Variants in GNG7 observed in about 807,000 individuals in gnomAD.
GNG7 encodes G protein subunit gamma 7, also known as guanine nucleotide-binding protein G(I)/G(S)/G(O) subunit gamma-7.
GNG7 carries 1 observed loss-of-function variant against 4.0 expected under a neutral mutation model. The ratio of observed to expected loss-of-function variants is 0.25; its 90% CI spans 0.09 to 1.18. The LOEUF (loss-of-function observed/expected upper bound fraction) is 1.18, where lower values mean the gene tolerates loss of function less well. GNG7 is among the 50% of genes most tolerant of loss of function. The pLI is 0.50. For synonymous variants in GNG7, 34 were observed against 36.9 expected (o/e 0.92, Z 0.29); for missense variants, 86 against 91.9 (o/e 0.94, Z 0.26).
chr19:2,553,178 G>A (rs923313611), intron 3 of GNG7, among the ~76,000 whole-genome samples: 2 of 147,716 alleles, frequency 1.4e-5, no homozygotes, highest in African/African-American at 5.0e-5. Context: ...ACGCAGAAAC[G>A]AAAGGAGGAC....
chr19:2,665,644 G>A (rs1053881809), intron 1 of GNG7, among the ~76,000 whole-genome samples: 9 of 152,182 alleles, frequency 5.9e-5, no homozygotes, highest in African/African-American at 2.2e-4. Flanking sequence ...ACGACTCGCT[G>A]TCTGGCTGGG....
chr19:2,596,672 C>CG (rs201170545), intron 2 of GNG7, among the ~76,000 whole-genome samples: 1 of 146,108 alleles, frequency 6.8e-6, no homozygotes, highest in Non-Finnish European at 1.5e-5. Flanking sequence ...CTGTCCCCCC[C>CG]CCAAAAAAAA....
At chr19:2,604,550 A>G (rs896252147) in intron 2 of GNG7, among the ~76,000 whole-genome samples, 10 of 142,036 alleles carry the variant, frequency 7.0e-5, no homozygotes, top group South Asian at 2.4e-4. Flanking sequence ...GGAGGGAAGG[A>G]AGGAAGGAAG....
At chr19:2,622,533 G>A (rs1237047103) in intron 2 of GNG7, among the ~76,000 whole-genome samples, 1 of 152,136 alleles carries the variant, frequency 6.6e-6, no homozygotes, top group African/African-American at 2.4e-5. Context: ...TGCGAGCAAC[G>A]CGGCAGAGAG....
intron 2 of GNG7, among the ~76,000 whole-genome samples, chr19:2,555,860 C>G (rs1208810079): frequency 6.6e-6 from 1 of 152,150 alleles, no homozygotes; most frequent in Admixed American, 6.5e-5. Flanking sequence ...GGACCCTGCA[C>G]AGGGCCAGGC....
Position 2,611,926 on chromosome 19 carries a change from T to C in GNG7, c.-78+34298A>G, listed in dbSNP as rs1175488131. ...GTCTCGCTCTGTCACCAGGCTGAAG[T>C]GCAGTAGTGTGATCTCAGCTCACTG... On this transcript the variant is annotated intron_variant, in intron 2 of 4. Transcript: ENST00000382159. This position sits in a 1 kb window ranked among gnomAD's most constrained non-coding sequence, Gnocchi z 6.0. The C allele has an allele frequency of 3.3e-5, 5 of 151,952 alleles. No individual in the cohort carries two copies. 9.4% of individuals were successfully genotyped at this position (151,952 alleles called of 1,614,324 possible).
At chr19:2,595,990 C>T (rs1371683510) in intron 2 of GNG7, among the ~76,000 whole-genome samples, 1 of 152,084 alleles carries the variant, frequency 6.6e-6, no homozygotes, top group East Asian at 1.9e-4. Context: ...CGACTCTACG[C>T]TGCATGCTTG....
intron 1 of GNG7, among the ~76,000 whole-genome samples, chr19:2,688,980 G>T (rs1413485969): frequency 6.6e-6 from 1 of 151,564 alleles, no homozygotes; most frequent in Non-Finnish European, 1.5e-5. Context: ...TGGGAGGATC[G>T]CTTGAGCCCA....
chr19:2,553,858 T>C (rs1440376447), intron 3 of GNG7, among the ~76,000 whole-genome samples: 1 of 138,502 alleles, frequency 7.2e-6, no homozygotes, highest in Non-Finnish European at 1.6e-5. Flanking sequence ...CATGTACATA[T>C]TATATGTAAC....
At chr19:2,549,787 G>T (rs900967675) in intron 3 of GNG7, among the ~76,000 whole-genome samples, 1 of 152,166 alleles carries the variant, frequency 6.6e-6, no homozygotes, top group African/African-American at 2.4e-5. Context: ...CCGGGGGTGA[G>T]GGCGGGGGTG....
chr19:2,526,990 C>T (rs1016344869), intron 3 of GNG7, among the ~76,000 whole-genome samples: 2 of 152,046 alleles, frequency 1.3e-5, no homozygotes, highest in African/African-American at 2.4e-5. Context: ...GGACTACAGG[C>T]GCGCGCCACC....
intron 1 of GNG7, among the ~76,000 whole-genome samples, chr19:2,664,440 C>G (rs749803839): frequency 2.6e-5 from 4 of 152,140 alleles, no homozygotes; most frequent in Non-Finnish European, 5.9e-5. Flanking sequence ...TTCAGAGCCA[C>G]GAGACTGATG....
intron 2 of GNG7, among the ~76,000 whole-genome samples, chr19:2,589,371 CTTTT>C (rs33940288): frequency 0.05 from 5,042 of 100,532 alleles, 369 homozygotes; most frequent in African/African-American, 0.18. Context: ...TACAGGTGCA[CTTTT>C]TTTTTTTTTT....
In GNG7 at chr19:2,557,302, C is replaced by T. The variant is rs1979591077; in HGVS notation, c.-77-2114G>A. ...AGACACGTGCACACACAGAGGTGCA[C>T]ATACACGCACAGACACACATGTGCA... On this transcript the variant is annotated intron_variant, in intron 2 of 4. Transcript: ENST00000382159. The surrounding 1 kb of genome is among the most constrained non-coding windows in gnomAD (Gnocchi z 5.1). 1.4e-5 allele frequency among the ~76,000 whole-genome samples: 2 copies of T among 139,436 alleles called. No homozygotes were observed. The highest frequency in any genetic ancestry group is 1.4e-4 in the Admixed American group (2 of 13,856). The allele number at this position is 139,436 out of a possible 152,430, so 91.5% of individuals were successfully genotyped here. A position where few individuals can be genotyped will look rare whatever the true frequency, so the allele number is the denominator to read the frequency against.
chr19:2,624,962 T>C (rs1178501476), intron 2 of GNG7, among the ~76,000 whole-genome samples: 1 of 152,190 alleles, frequency 6.6e-6, no homozygotes, highest in East Asian at 1.9e-4. Flanking sequence ...TCACCTTTCC[T>C]TGTGGGTGCA....
intron 3 of GNG7, among the ~76,000 whole-genome samples, chr19:2,553,662 CACGTT>C: frequency 1.5e-5 from 2 of 135,488 alleles, no homozygotes; most frequent in Admixed American, 7.3e-5. Flanking sequence ...CATACATGCA[CACGTT>C]ACATGTAATA....
chr19:2,661,297 AGAAAG>A (rs1983157331), intron 1 of GNG7, among the ~76,000 whole-genome samples: 1 of 41,668 alleles, frequency 2.4e-5, no homozygotes, highest in African/African-American at 1.1e-4. Context: ...AAAGAAAGAA[AGAAAG>A]AGAAAGAAAG....
chr19:2,565,599 G>A (rs1020308345), intron 2 of GNG7, among the ~76,000 whole-genome samples: 1 of 152,110 alleles, frequency 6.6e-6, no homozygotes, highest in Non-Finnish European at 1.5e-5. Context: ...CATGAGAACT[G>A]CAGAAATTTA....
intron 1 of GNG7, among the ~76,000 whole-genome samples, chr19:2,666,478 T>G (rs1383783092): frequency 6.6e-6 from 1 of 152,192 alleles, no homozygotes; most frequent in Non-Finnish European, 1.5e-5. Flanking sequence ...CCTGCTTTTT[T>G]AGTTTTTACT....
Sources: allele counts gnomAD v4.1 joint callset (sites outside exome capture counted in the v4.1 genomes callset), GRCh38; gene constraint gnomAD v4.1.1; non-coding constraint Gnocchi (gnomAD v3.1); transcripts MANE v1.5; gene names NCBI Gene and HGNC (gene_info 2026-07-23, HGNC 2026-07-21).